The following SV2B variants were observed in gnomAD, a reference collection of about 807,000 sequenced individuals.
The protein encoded by SV2B is solute carrier family 22 member B2.
A neutral mutation model predicts 73.9 loss-of-function variants in SV2B; 41 were observed. The observed-to-expected ratio is 0.56, with a 90% CI of 0.43 to 0.72. SV2B has a LOEUF of 0.72. Among genes scored for constraint, SV2B ranks in the 30% least tolerant of loss-of-function variants. The pLI is 0.00. For synonymous variants in SV2B, 314 were observed against 314.2 expected, an observed-to-expected ratio of 1.00 and a Z score of 0.01; for missense variants, 764 against 857.8, an observed-to-expected ratio of 0.89 and a Z score of 1.37.
chr15:91,256,431 AT>A (rs1354675572), intron 4 of SV2B, among the ~76,000 whole-genome samples: 6 of 152,242 alleles, frequency 3.9e-5, no homozygotes, highest in Non-Finnish European at 8.8e-5. Flanking sequence ...AGAATACTTT[AT>A]AAAGATGACT....
intron 1 of SV2B, among the ~76,000 whole-genome samples, chr15:91,149,917 G>T (rs531826669): frequency 6.6e-6 from 1 of 152,296 alleles, no homozygotes; most frequent in East Asian, 1.9e-4. Flanking sequence ...TCACGTCCAG[G>T]CCAGTGGCAG....
At chr15:91,209,458 G>A (rs905031949) in intron 1 of SV2B, among the ~76,000 whole-genome samples, 17 of 152,122 alleles carry the variant, frequency 1.1e-4, no homozygotes, top group Admixed American at 9.8e-4. Context: ...CAGAGTTTTC[G>A]AGTGTTGACA....
intron 1 of SV2B, among the ~76,000 whole-genome samples, chr15:91,142,720 G>A (rs145001144): frequency 1.4e-3 from 210 of 152,274 alleles, no homozygotes; most frequent in African/African-American, 4.9e-3. Flanking sequence ...CACTCAGACA[G>A]TAAATAGAAG....
At position 91,136,869 on chromosome 15, in the gene SV2B, G is replaced by A. The variant is rs2042845077; in HGVS notation, c.-392+36506G>A. ...CAAGCAGCTTTGGCAGGAGAAGCAAGAGGGCTCTGGGTAGCCAGCTTATTC... is the reference window on the plus strand; with the variant it reads ...CAAGCAGCTTTGGCAGGAGAAGCAAAAGGGCTCTGGGTAGCCAGCTTATTC... On this transcript the variant is annotated intron_variant, in intron 1 of 12. Transcript: ENST00000394232. The surrounding 1 kb of genome is among the most constrained non-coding windows in gnomAD (Gnocchi z 5.6). Among the ~76,000 whole-genome samples, 1 of 152,166 alleles carries A rather than the reference G, an allele frequency of 6.6e-6. No homozygotes were observed. The highest frequency in any genetic ancestry group is 2.1e-4 in the South Asian group (1 of 4,834).
chr15:91,283,687 C>G lies in SV2B; in HGVS notation c.1508-334C>G, dbSNP rs966984787. On this transcript the variant is annotated intron_variant, in intron 10 of 12. Transcript: ENST00000394232. The surrounding 1 kb of genome is among the most constrained non-coding windows in gnomAD (Gnocchi z 4.3). ...CAGGCTGGTCCTGAACTCCTGAGCT[C>G]AAGTGATCCTCCTACCTCGGCCTCC... Among the ~76,000 whole-genome samples the G allele has an allele frequency of 6.6e-6, 1 of 152,172 alleles. No homozygotes were observed. Among genetic ancestry groups the G allele is most frequent in the Non-Finnish European group, 1.5e-5 (1 of 68,024 alleles).
Position 91,283,888 on chromosome 15 carries a change from C to T in SV2B, c.1508-133C>T. The T allele has an allele frequency of 2.2e-6, 2 of 902,366 alleles. No individual in the cohort carries two copies. Among genetic ancestry groups the T allele is most frequent in the South Asian group, 3.1e-5 (2 of 65,226 alleles). 55.9% of individuals were successfully genotyped at this position (902,366 alleles called of 1,614,324 possible). A position where few individuals can be genotyped will look rare whatever the true frequency, so the allele number is the denominator to read the frequency against. The stretch of plus-strand genomic sequence containing the variant: ...ATGACATGGCCACATATTACCTTGA[C>T]TTTGAGGCTGTCTGACTGGCAAAGG... On this transcript the variant is annotated intron_variant, in intron 10 of 12. Transcript: ENST00000394232. This position sits in a 1 kb window ranked among gnomAD's most constrained non-coding sequence, Gnocchi z 4.3.
intron 2 of SV2B, among the ~76,000 whole-genome samples, chr15:91,233,672 CATT>C (rs1567372615): frequency 7.1e-6 from 1 of 141,252 alleles, no homozygotes; most frequent in Non-Finnish European, 1.5e-5. Context: ...TCTTCTTTGC[CATT>C]ATAAGCATCC....
intron 1 of SV2B, among the ~76,000 whole-genome samples, chr15:91,213,532 G>A (rs190847380): frequency 1.3e-5 from 2 of 152,096 alleles, no homozygotes; most frequent in African/African-American, 2.4e-5. Context: ...AACTCAGAAC[G>A]TGCTACTTTC....
rs1459953781 is a variant in SV2B at position 91,221,760 on chromosome 15, G to T, written c.-391-4113G>T. 3.3e-5 allele frequency among the ~76,000 whole-genome samples: 5 copies of T among 151,368 alleles called. No homozygotes were observed. The East Asian group carries it at 9.7e-4, about 29-fold the overall frequency. On this transcript the variant is annotated intron_variant, in intron 1 of 12. Transcript: ENST00000394232. ...ATGAAAGCTTCTACCTGGTTTCATT[G>T]CCGTTAGATTTTTTATTAAAAACCA... is the stretch of plus-strand genomic sequence containing the variant.
At chr15:91,226,951 T>G (rs184993459) in intron 2 of SV2B, among the ~76,000 whole-genome samples, 182 of 152,306 alleles carry the variant, frequency 1.2e-3, no homozygotes, top group African/African-American at 4.1e-3. Context: ...GCTTTCCAGA[T>G]CTTGTTGCCT....
rs1341779446 is a variant in SV2B, at chr15:91,226,102, TA to T, written c.-159del. On this transcript the variant is annotated 5_prime_UTR_variant, in exon 2 of 13. Transcript: ENST00000394232. ...GCACAAATCTGGTTGATTTGAGAGA[TA>T]AAGGGGGGGGGAACCAGTGTGACTT... 19 of 676,178 alleles carry T rather than the reference TA, an allele frequency of 2.8e-5. No individual in the cohort carries two copies. The highest frequency in any genetic ancestry group is 1.1e-4 in the African/African-American group (6 of 54,838). 41.9% of individuals were successfully genotyped at this position (676,178 alleles called of 1,614,324 possible).
rs2042421399 is a variant in SV2B at position 91,124,425 on chromosome 15, C to T, written c.-392+24062C>T. Reference sequence around the variant, plus strand: ...GAGTGTGAGGTGCAGCAGCCAAGAGCCAGTGAGGAAGAGAGCCTGGAGGGG... The same window carrying T: ...GAGTGTGAGGTGCAGCAGCCAAGAGTCAGTGAGGAAGAGAGCCTGGAGGGG... On this transcript the variant is annotated intron_variant, in intron 1 of 12. Coordinates refer to ENST00000394232, the MANE Select transcript of SV2B (RefSeq NM_001323032.3). This position sits in a 1 kb window ranked among gnomAD's most constrained non-coding sequence, Gnocchi z 4.6. 6.6e-6 allele frequency among the ~76,000 whole-genome samples: 1 copy of T among 152,046 alleles called. No individual in the cohort carries two copies. Among genetic ancestry groups the T allele is most frequent in the Non-Finnish European group, 1.5e-5 (1 of 68,022 alleles).
At chr15:91,277,404 G>T (rs1567425742) in intron 9 of SV2B, among the ~76,000 whole-genome samples, 1 of 152,096 alleles carries the variant, frequency 6.6e-6, no homozygotes, top group South Asian at 2.1e-4. Context: ...TTTGACAAAG[G>T]CATGCAGTCA....
intron 1 of SV2B, among the ~76,000 whole-genome samples, chr15:91,127,566 G>A (rs1045263376): frequency 1.8e-4 from 28 of 152,116 alleles, no homozygotes; most frequent in African/African-American, 6.8e-4. Flanking sequence ...GGAAAGAAAA[G>A]CTCTTTCTAT....
intron 1 of SV2B, among the ~76,000 whole-genome samples, chr15:91,116,853 G>A (rs183660754): frequency 1.3e-5 from 2 of 152,214 alleles, no homozygotes; most frequent in African/African-American, 4.8e-5. Flanking sequence ...AAGGGCAAAG[G>A]CATGTCTTAC....
At position 91,253,450 on chromosome 15, in the gene SV2B, C is replaced by T. The variant is rs2047566866; in HGVS notation, c.784+930C>T. ...GGCTGCATGTATATGTTTTTAAGAA[C>T]AAGCTTTGGTTTAGACAGTACCTAC... On this transcript the variant is annotated intron_variant, in intron 4 of 12. Coordinates refer to ENST00000394232, the MANE Select transcript of SV2B (RefSeq NM_001323032.3). This position sits in a 1 kb window ranked among gnomAD's most constrained non-coding sequence, Gnocchi z 5.0. Among the ~76,000 whole-genome samples, 2 of 152,190 alleles carry T rather than the reference C, an allele frequency of 1.3e-5. No individual in the cohort carries two copies. Among genetic ancestry groups the T allele is most frequent in the Admixed American group, 6.5e-5 (1 of 15,286 alleles).
intron 2 of SV2B, among the ~76,000 whole-genome samples, chr15:91,230,066 C>T (rs1326392577): frequency 6.6e-6 from 1 of 151,952 alleles, no homozygotes; most frequent in Non-Finnish European, 1.5e-5. Flanking sequence ...CATGGTGAAA[C>T]CCGTGTCTAC....
chr15:91,230,865 A>C (rs1596635753), intron 2 of SV2B, among the ~76,000 whole-genome samples: 1 of 152,232 alleles, frequency 6.6e-6, no homozygotes, highest in Non-Finnish European at 1.5e-5. Flanking sequence ...GCAATGCAAC[A>C]TTCAGCCTTA....
chr15:91,147,961 C>T (rs1037827239), intron 1 of SV2B, among the ~76,000 whole-genome samples: 3 of 141,344 alleles, frequency 2.1e-5, no homozygotes, highest in African/African-American at 5.1e-5. Context: ...CGCACCCCCC[C>T]CAACTTTTTT....
Sources: allele counts gnomAD v4.1 joint callset (sites outside exome capture counted in the v4.1 genomes callset), GRCh38; gene constraint gnomAD v4.1.1; non-coding constraint Gnocchi (gnomAD v3.1); transcripts MANE v1.5; gene names NCBI Gene and HGNC (gene_info 2026-07-23, HGNC 2026-07-21).